FSTL5: variants seen among roughly 807,000 people sequenced by gnomAD.
FSTL5 encodes the protein follistatin like 5.
A neutral mutation model predicts 89.1 loss-of-function variants in FSTL5; 62 were observed. That is an observed-to-expected ratio of 0.70 (90% CI 0.57 to 0.86). The LOEUF (loss-of-function observed/expected upper bound fraction) is 0.86, where lower values mean the gene tolerates loss of function less well. FSTL5 is among the 40% of genes least tolerant of loss of function. The probability of loss-of-function intolerance (pLI) is 0.00; values close to 1 mark genes in which losing one functional copy is unlikely to be tolerated. For synonymous variants in FSTL5, 383 were observed against 346.2 expected, an observed-to-expected ratio of 1.11 and a Z score of -1.18; for missense variants, 1,057 against 1,001.6, an observed-to-expected ratio of 1.06 and a Z score of -0.75.
chr4:161,992,930 G>GTATA (rs1553989543), intron 3 of FSTL5, among the ~76,000 whole-genome samples: 1 of 8,038 alleles, frequency 1.2e-4, no homozygotes, highest in African/African-American at 1.7e-4. Flanking sequence ...ATATATGTGT[G>GTATA]TATATATATA....
At chr4:161,437,433 G>A (rs371592471) in intron 15 of FSTL5, among the ~76,000 whole-genome samples, 1 of 151,684 alleles carries the variant, frequency 6.6e-6, no homozygotes, top group East Asian at 1.9e-4. Context: ...CGGGCGTGGT[G>A]GCGGGCGCCT....
chr4:161,756,232 T>A (rs535830609), intron 6 of FSTL5, among the ~76,000 whole-genome samples: 1 of 152,098 alleles, frequency 6.6e-6, no homozygotes, highest in Non-Finnish European at 1.5e-5. Flanking sequence ...ATCATTGTTA[T>A]AGGATAGTTT....
intron 12 of FSTL5, among the ~76,000 whole-genome samples, chr4:161,493,472 T>C (rs1311987135): frequency 1.3e-5 from 2 of 151,840 alleles, no homozygotes; most frequent in Non-Finnish European, 2.9e-5. Flanking sequence ...ATATTTGCCG[T>C]GAATATATAT....
intron 2 of FSTL5, among the ~76,000 whole-genome samples, chr4:162,094,761 A>G (rs1383462190): frequency 6.6e-6 from 1 of 152,142 alleles, no homozygotes; most frequent in African/African-American, 2.4e-5. Context: ...TGGCAAGAGT[A>G]AACTTCTGAA....
intron 8 of FSTL5, among the ~76,000 whole-genome samples, chr4:161,561,107 C>T (rs1300362870): frequency 1.3e-5 from 2 of 151,808 alleles, no homozygotes; most frequent in Non-Finnish European, 2.9e-5. Flanking sequence ...TATTTCAGCT[C>T]CATTATAAAC....
intron 6 of FSTL5, among the ~76,000 whole-genome samples, chr4:161,721,365 A>G (rs1487134480): frequency 6.6e-6 from 1 of 151,888 alleles, no homozygotes; most frequent in African/African-American, 2.4e-5. Context: ...GGTTTTAAAA[A>G]TGCTTAAATA....
chr4:161,477,740 G>T (rs1729340095), intron 13 of FSTL5, among the ~76,000 whole-genome samples: 2 of 151,676 alleles, frequency 1.3e-5, no homozygotes, highest in Admixed American at 6.6e-5. Flanking sequence ...ATTTTTAGAA[G>T]ATATATTTTG....
intron 13 of FSTL5, among the ~76,000 whole-genome samples, chr4:161,472,075 C>T (rs1733964445): frequency 6.6e-6 from 1 of 150,876 alleles, no homozygotes; most frequent in Non-Finnish European, 1.5e-5. Flanking sequence ...CTCCCGGGTT[C>T]ACGCCATTCT....
intron 1 of FSTL5, among the ~76,000 whole-genome samples, chr4:162,136,401 A>G (rs17042032): frequency 0.23 from 35,289 of 151,872 alleles, 4,297 homozygotes; most frequent in Non-Finnish European, 0.26. Flanking sequence ...TAAATGCATG[A>G]GAAAACCAAA....
intron 4 of FSTL5, among the ~76,000 whole-genome samples, chr4:161,805,534 T>C (rs1729938433): frequency 2.0e-5 from 3 of 152,208 alleles, no homozygotes; most frequent in African/African-American, 7.2e-5. Context: ...AAGACAAGAA[T>C]GACATCCAGA....
intron 3 of FSTL5, among the ~76,000 whole-genome samples, chr4:161,978,099 T>G (rs538323839): frequency 9.2e-5 from 14 of 152,298 alleles, no homozygotes; most frequent in Non-Finnish European, 1.6e-4. Context: ...GCCTGCAGAG[T>G]GCAGTTTGTA....
chr4:161,756,123 C>T (rs1457240729), intron 6 of FSTL5, among the ~76,000 whole-genome samples: 3 of 151,980 alleles, frequency 2.0e-5, no homozygotes, highest in East Asian at 3.9e-4. Flanking sequence ...AAGAAGTTTG[C>T]TTGGTGACAC....
chr4:161,765,572 A>G (rs545748723), intron 5 of FSTL5, among the ~76,000 whole-genome samples: 21 of 152,284 alleles, frequency 1.4e-4, no homozygotes, highest in Admixed American at 4.6e-4. Context: ...GCAAAAACCT[A>G]TTGGCAGTCC....
chr4:161,679,618 C>T (rs1737448954), intron 6 of FSTL5, among the ~76,000 whole-genome samples: 1 of 151,766 alleles, frequency 6.6e-6, no homozygotes, highest in African/African-American at 2.4e-5. Context: ...TTATTGAAAA[C>T]ATGTGCTTGG....
At chr4:162,092,586 G>A (rs1048665171) in intron 2 of FSTL5, among the ~76,000 whole-genome samples, 1 of 151,968 alleles carries the variant, frequency 6.6e-6, no homozygotes, top group East Asian at 1.9e-4. Context: ...TTTTCCTAAA[G>A]TTTGATAAGT....
At chr4:161,953,399 T>G (rs891863090) in intron 3 of FSTL5, among the ~76,000 whole-genome samples, 6 of 151,632 alleles carry the variant, frequency 4.0e-5, no homozygotes, top group African/African-American at 1.4e-4. Context: ...TAAGTTGTAA[T>G]GAGTTATGGT....
chr4:162,101,711 C>G (rs1182538583), intron 2 of FSTL5, among the ~76,000 whole-genome samples: 1 of 152,122 alleles, frequency 6.6e-6, no homozygotes, highest in African/African-American at 2.4e-5. Flanking sequence ...CCAGTTGTGG[C>G]TTGTATACTG....
intron 1 of FSTL5, among the ~76,000 whole-genome samples, chr4:162,146,610 A>C (rs1329490351): frequency 6.6e-6 from 1 of 151,864 alleles, no homozygotes; most frequent in African/African-American, 2.4e-5. Context: ...CCAATACCTT[A>C]CTATTAACTG....
chr4:161,529,763 C>T (rs1014012554), intron 10 of FSTL5, among the ~76,000 whole-genome samples: 1 of 142,208 alleles, frequency 7.0e-6, no homozygotes, highest in African/African-American at 2.5e-5. Context: ...TAAAATCCTA[C>T]CCGGCTGTGA....
Sources: allele counts gnomAD v4.1 joint callset (sites outside exome capture counted in the v4.1 genomes callset), GRCh38; gene constraint gnomAD v4.1.1; transcripts MANE v1.5; gene names NCBI Gene and HGNC (gene_info 2026-07-23, HGNC 2026-07-21).